The following LACTB2 variants were observed in gnomAD, a reference collection of about 807,000 sequenced individuals.
LACTB2 encodes lactamase beta 2.
In LACTB2, 32 loss-of-function variants were observed where a neutral mutation model predicts 34.8. The ratio of observed to expected loss-of-function variants is 0.92; its 90% CI spans 0.69 to 1.24. LACTB2 has a LOEUF of 1.24. LACTB2 is among the 50% of genes most tolerant of loss of function. The pLI is 0.00. For missense variants in LACTB2, 320 were observed against 345.0 expected (o/e 0.93, Z 0.57); for synonymous variants, 120 against 117.5 (o/e 1.02, Z -0.14).
At position 70,668,748 on chromosome 8, in the gene LACTB2, G is replaced by GTTTTTTTTTTTTTTTTTTTTTTTTTTT. The variant is rs990900411; in HGVS notation, c.122+224_122+250dup. On this transcript the variant is annotated intron_variant, in intron 1 of 6. Transcript: ENST00000276590. ...CAGTAAATCGGGTTTCAAAACAGAAGTTTTTTTTTTTTTTTTTTTTTTTTT... is the reference window on the plus strand; with the variant it reads ...CAGTAAATCGGGTTTCAAAACAGAAGTTTTTTTTTTTTTTTTTTTTTTTTTTTTTTTTTTTTTTTTTTTTTTTTTTTT... Among the ~76,000 whole-genome samples the GTTTTTTTTTTTTTTTTTTTTTTTTTTT allele has an allele frequency of 1.3e-4, 13 of 103,720 alleles. 1 individual carries two copies. The highest frequency in any genetic ancestry group is 2.9e-4 in the Admixed American group (3 of 10,404). 68.0% of individuals were successfully genotyped at this position (103,720 alleles called of 152,430 possible).
chr8:70,648,505 G>A (rs1367345349), intron 3 of LACTB2, among the ~76,000 whole-genome samples: 1 of 152,018 alleles, frequency 6.6e-6, no homozygotes, highest in Non-Finnish European at 1.5e-5. Context: ...CATGTAGTAA[G>A]ATTAGGCGAT....
intron 2 of LACTB2, chr8:70,660,864 G>C (rs1379383311): frequency 8.8e-6 from 4 of 456,068 alleles, no homozygotes; most frequent in South Asian, 6.2e-5. Context: ...TGCAGCCTCA[G>C]CTTCCCTGGC....
At chr8:70,661,313 A>G (rs1818478833) in intron 2 of LACTB2, 1 of 293,748 alleles carries the variant, frequency 3.4e-6, no homozygotes, top group African/African-American at 2.2e-5. Context: ...TGAATTATCA[A>G]TACAATGATA....
chr8:70,639,744 C>T (rs1235898961), intron 5 of LACTB2, among the ~76,000 whole-genome samples: 2 of 151,732 alleles, frequency 1.3e-5, no homozygotes, highest in East Asian at 2.0e-4. Context: ...GGGTGGATCA[C>T]CTGAGGTCGG....
chr8:70,648,624 G>A (rs563086302), intron 3 of LACTB2, among the ~76,000 whole-genome samples: 4 of 152,036 alleles, frequency 2.6e-5, no homozygotes, highest in African/African-American at 9.6e-5. Flanking sequence ...AAAATAATAG[G>A]AATTTTAGTA....
intron 3 of LACTB2, among the ~76,000 whole-genome samples, 178 bp from the exon 4 acceptor site, chr8:70,644,421 A>G (rs1818237374): frequency 6.6e-6 from 1 of 152,138 alleles, no homozygotes; most frequent in Non-Finnish European, 1.5e-5. Flanking sequence ...TCTCTCCTTT[A>G]ACTAAACCAA....
rs2132066116 is a variant in LACTB2, at chr8:70,638,462, G to GT, written c.823+85dup. 2.2e-6 allele frequency: 3 copies of GT among 1,350,040 alleles called. No homozygotes were observed. In the African/African-American group the frequency reaches 4.6e-5, roughly 21 times the overall value. The allele number at this position is 1,350,040 out of a possible 1,614,324, so 83.6% of individuals were successfully genotyped here. ...GATATTCATGGGAGAACTCTGATGGGTATTATTTTTCCTCAAAGGAAACTA... is the reference window on the plus strand; with the variant it reads ...GATATTCATGGGAGAACTCTGATGGGTTATTATTTTTCCTCAAAGGAAACTA... On this transcript the variant is annotated intron_variant, in intron 6 of 6. Coordinates refer to ENST00000276590, the MANE Select transcript of LACTB2 (RefSeq NM_016027.3).
At position 70,663,701 on chromosome 8, in the gene LACTB2, TA is replaced by T. The variant is rs754420935; in HGVS notation, c.123-1805del. On this transcript the variant is annotated intron_variant, in intron 1 of 6. Coordinates refer to ENST00000276590, the MANE Select transcript of LACTB2 (RefSeq NM_016027.3). Reference sequence around the variant, plus strand: ...ATTGGTGTGCCATTAATCAAGAAGGTAAACCCTGGAGGGAGCAAATTTGAGA... The same window carrying T: ...ATTGGTGTGCCATTAATCAAGAAGGTAACCCTGGAGGGAGCAAATTTGAGA... Among the ~76,000 whole-genome samples, 4 of 152,256 alleles carry T rather than the reference TA, an allele frequency of 2.6e-5. No homozygotes were observed. The East Asian group carries it at 5.8e-4, about 22-fold the overall frequency.
At chr8:70,664,370 T>C (rs995125811) in intron 1 of LACTB2, among the ~76,000 whole-genome samples, 3 of 152,326 alleles carry the variant, frequency 2.0e-5, no homozygotes, top group Non-Finnish European at 4.4e-5. Context: ...ATGACAAAAT[T>C]AACAGGGTTG....
chr8:70,644,683 T>C (rs1031546406), intron 3 of LACTB2, among the ~76,000 whole-genome samples: 1 of 152,154 alleles, frequency 6.6e-6, no homozygotes, highest in Admixed American at 6.5e-5. Context: ...TCTCACAATA[T>C]TGACCAGGCT....
At chr8:70,664,681 C>A (rs1484081470) in intron 1 of LACTB2, among the ~76,000 whole-genome samples, 1 of 151,820 alleles carries the variant, frequency 6.6e-6, no homozygotes, top group Non-Finnish European at 1.5e-5. Context: ...TTGCACCAAG[C>A]TTTGAGGGAA....
intron 2 of LACTB2, chr8:70,661,343 T>C (rs182723566): frequency 8.1e-4 from 229 of 283,770 alleles, no homozygotes; most frequent in Non-Finnish European, 1.3e-3. Context: ...AATTTCAGCA[T>C]ATCTTAGTAA....
intron 3 of LACTB2, among the ~76,000 whole-genome samples, chr8:70,656,866 AAACT>A (rs1486721954): frequency 1.3e-5 from 2 of 152,064 alleles, no homozygotes; most frequent in Non-Finnish European, 2.9e-5. Flanking sequence ...TTTGATGTAA[AAACT>A]AACCTGATTA....
Position 70,637,799 on chromosome 8 carries a change from A to T in LACTB2, c.*61T>A. ...TTATATTCTCTATAAAATAACCTATAGTTAAGAAAACATACCATTCTCTGA... is the reference window on the plus strand; with the variant it reads ...TTATATTCTCTATAAAATAACCTATTGTTAAGAAAACATACCATTCTCTGA... On this transcript the variant is annotated 3_prime_UTR_variant, in exon 7 of 7. Transcript: ENST00000276590. 1 of 985,958 alleles carries T rather than the reference A, an allele frequency of 1.0e-6. No homozygotes were observed. Among genetic ancestry groups the T allele is most frequent in the Non-Finnish European group, 1.5e-6 (1 of 660,874 alleles). The allele number at this position is 985,958 out of a possible 1,614,324, so 61.1% of individuals were successfully genotyped here. A position where few individuals can be genotyped will look rare whatever the true frequency, so the allele number is the denominator to read the frequency against.
intron 4 of LACTB2, among the ~76,000 whole-genome samples, chr8:70,642,192 C>T (rs955203567): frequency 6.6e-6 from 1 of 152,184 alleles, no homozygotes; most frequent in Non-Finnish European, 1.5e-5. Flanking sequence ...ATTCACTCAA[C>T]GTCTGCCCTC....
At chr8:70,656,432 A>G (rs567417253) in intron 3 of LACTB2, among the ~76,000 whole-genome samples, 2 of 152,276 alleles carry the variant, frequency 1.3e-5, no homozygotes, top group East Asian at 3.9e-4. Flanking sequence ...CATTTATTGA[A>G]AAGGATGTCC....
chr8:70,661,649 A>G, intron 2 of LACTB2, 85 bp downstream of exon 2: 1 of 1,206,566 alleles, frequency 8.3e-7, no homozygotes, highest in Non-Finnish European at 1.2e-6. Flanking sequence ...TAAATGGTTT[A>G]TAGACTACTT....
At chr8:70,656,007 C>G (rs770855216) in intron 3 of LACTB2, among the ~76,000 whole-genome samples, 3 of 151,966 alleles carry the variant, frequency 2.0e-5, no homozygotes, top group Non-Finnish European at 4.4e-5. Context: ...CTTTTGAGAA[C>G]TGTGTCCTTA....
intron 3 of LACTB2, among the ~76,000 whole-genome samples, chr8:70,655,799 A>G (rs141029747): frequency 5.3e-5 from 8 of 152,278 alleles, no homozygotes; most frequent in African/African-American, 1.9e-4. Flanking sequence ...TGGTTGTACT[A>G]ATTTACATTC....
Sources: gnomAD v4.1 joint callset for allele counts (sites outside exome capture counted in the v4.1 genomes callset) on GRCh38, gnomAD v4.1.1 for gene constraint, MANE v1.5 for transcripts, NCBI Gene and HGNC (gene_info 2026-07-23, HGNC 2026-07-21) for gene names.